The following SLC9A9 variants were observed in gnomAD, a reference collection of about 807,000 sequenced individuals.
SLC9A9 encodes the protein solute carrier family 9 member A9, also known as sodium/hydrogen exchanger 9.
Under a neutral mutation model 77.8 loss-of-function variants are expected in SLC9A9, and 62 were observed. That is an observed-to-expected ratio of 0.80 (90% CI 0.65 to 0.98). SLC9A9 has a LOEUF of 0.98. Among genes scored for constraint, SLC9A9 ranks in the 50% least tolerant of loss-of-function variants. SLC9A9 has a pLI of 0.00. For missense variants in SLC9A9, 775 were observed against 774.9 expected, an observed-to-expected ratio of 1.00 and a Z score of 0.00; for synonymous variants, 320 against 283.5, an observed-to-expected ratio of 1.13 and a Z score of -1.29.
chr3:143,281,694 A>T (rs933821951), intron 14 of SLC9A9, among the ~76,000 whole-genome samples: 57 of 152,172 alleles, frequency 3.7e-4, no homozygotes, highest in Non-Finnish European at 8.8e-5. Context: ...GGCCTCATGG[A>T]TCCTGTGTTT....
At chr3:143,518,699 G>T (rs1214745443) in intron 9 of SLC9A9, among the ~76,000 whole-genome samples, 1 of 152,248 alleles carries the variant, frequency 6.6e-6, no homozygotes, top group African/African-American at 2.4e-5. Context: ...CACCCACATG[G>T]CTTGGCTATA....
intron 1 of SLC9A9, among the ~76,000 whole-genome samples, chr3:143,833,379 C>A (rs1243268779): frequency 6.6e-6 from 1 of 152,152 alleles, no homozygotes; most frequent in Non-Finnish European, 1.5e-5. Flanking sequence ...GATTCATGAA[C>A]AAACAATTAT....
At chr3:143,626,235 A>G (rs1325743689) in intron 6 of SLC9A9, among the ~76,000 whole-genome samples, 1 of 152,228 alleles carries the variant, frequency 6.6e-6, no homozygotes, top group African/African-American at 2.4e-5. Flanking sequence ...AGAACTAGAA[A>G]TACAATTTGA....
chr3:143,336,955 A>T (rs2031944225), intron 14 of SLC9A9, among the ~76,000 whole-genome samples: 1 of 152,174 alleles, frequency 6.6e-6, no homozygotes, highest in Non-Finnish European at 1.5e-5. Flanking sequence ...AGCTTCAGTT[A>T]TCTGGAAAAT....
chr3:143,734,566 T>C (rs946087001), intron 4 of SLC9A9, among the ~76,000 whole-genome samples: 15 of 151,630 alleles, frequency 9.9e-5, no homozygotes, highest in Non-Finnish European at 1.9e-4. Context: ...AAACCCTGTC[T>C]CTACTAAAAT....
chr3:143,331,663 C>T (rs944138022), intron 14 of SLC9A9, among the ~76,000 whole-genome samples: 15 of 152,118 alleles, frequency 9.9e-5, no homozygotes, highest in African/African-American at 1.2e-4. Context: ...GGTTACTTGC[C>T]GGGCACTGGG....
chr3:143,323,697 T>C (rs1486250834), intron 14 of SLC9A9, among the ~76,000 whole-genome samples: 2 of 152,184 alleles, frequency 1.3e-5, no homozygotes, highest in Non-Finnish European at 2.9e-5. Context: ...AAATATATCG[T>C]ACTCAAGTGA....
chr3:143,266,053 A>G lies in SLC9A9; in HGVS notation c.*649T>C, dbSNP rs1390135932. ...GCTGCATTTAGGGCAGGGCACACCC[A>G]GCCATAGGCAACCCCTTTGAGCGAT... On this transcript the variant is annotated 3_prime_UTR_variant, in exon 16 of 16. Coordinates refer to ENST00000316549, the MANE Select transcript of SLC9A9 (RefSeq NM_173653.4). 5.7e-6 allele frequency: 4 copies of G among 702,488 alleles called. No homozygotes were observed. 43.5% of individuals were successfully genotyped at this position (702,488 alleles called of 1,614,324 possible). A position where few individuals can be genotyped will look rare whatever the true frequency, so the allele number is the denominator to read the frequency against.
In SLC9A9 at chr3:143,286,956, G is replaced by A. The variant is rs1057388423; in HGVS notation, c.1605-17976C>T. On this transcript the variant is annotated intron_variant, in intron 14 of 15. Transcript: ENST00000316549. Reference sequence around the variant, plus strand: ...TAGTTCTGGACCTCACGAGGTGTGCGTCAGCAAAACTCTCCATGTCTCAGA... The same window carrying A: ...TAGTTCTGGACCTCACGAGGTGTGCATCAGCAAAACTCTCCATGTCTCAGA... Among the ~76,000 whole-genome samples, 9 of 152,292 alleles carry A rather than the reference G, an allele frequency of 5.9e-5. No homozygotes were observed. The South Asian group carries it at 6.2e-4, about 11-fold the overall frequency.
chr3:143,323,769 T>C (rs1453581315), intron 14 of SLC9A9, among the ~76,000 whole-genome samples: 3 of 152,210 alleles, frequency 2.0e-5, no homozygotes, highest in Admixed American at 2.0e-4. Flanking sequence ...AAATTTTAAA[T>C]GTACTCTATA....
At chr3:143,299,350 A>G (rs1003817995) in intron 14 of SLC9A9, among the ~76,000 whole-genome samples, 6 of 152,208 alleles carry the variant, frequency 3.9e-5, no homozygotes, top group Non-Finnish European at 8.8e-5. Context: ...GCGCAGGGCC[A>G]TCTGGGGCTG....
chr3:143,378,791 C>T (rs923394827), intron 13 of SLC9A9, among the ~76,000 whole-genome samples: 2 of 152,196 alleles, frequency 1.3e-5, no homozygotes, highest in Non-Finnish European at 2.9e-5. Context: ...CAAATTAGCA[C>T]GTTTGCATGA....
At chr3:143,316,310 T>A (rs2031211734) in intron 14 of SLC9A9, among the ~76,000 whole-genome samples, 1 of 152,158 alleles carries the variant, frequency 6.6e-6, no homozygotes, top group African/African-American at 2.4e-5. Flanking sequence ...AAGACACAAG[T>A]GTAATTACGG....
At chr3:143,302,593 G>T (rs1466952754) in intron 14 of SLC9A9, among the ~76,000 whole-genome samples, 2 of 151,986 alleles carry the variant, frequency 1.3e-5, no homozygotes, top group East Asian at 3.9e-4. Flanking sequence ...AATAGCAGGA[G>T]GGAAGGAAAT....
chr3:143,593,176 G>A (rs1208103929), intron 6 of SLC9A9, among the ~76,000 whole-genome samples: 1 of 152,214 alleles, frequency 6.6e-6, no homozygotes, highest in African/African-American at 2.4e-5. Context: ...GGGCCAGAAG[G>A]AGGAGTTGGT....
intron 6 of SLC9A9, among the ~76,000 whole-genome samples, chr3:143,637,465 T>C (rs186744237): frequency 6.6e-6 from 1 of 152,310 alleles, no homozygotes; most frequent in East Asian, 1.9e-4. Context: ...AACAAAGGCT[T>C]TGATAAATAT....
At position 143,570,097 on chromosome 3, in the gene SLC9A9, G is replaced by T. The variant is rs148193319; in HGVS notation, c.1000+3991C>A. ...CTGGGATTATAGAAATGCATCATTG[G>T]TCCTAGCCAATTTTCTCCATAGATA... On this transcript the variant is annotated intron_variant, in intron 8 of 15. Transcript: ENST00000316549. Among the ~76,000 whole-genome samples the T allele has an allele frequency of 4.0e-3, 602 of 151,870 alleles. 3 individuals carry two copies. Among genetic ancestry groups the T allele is most frequent in the South Asian group, 0.011 (54 of 4,814 alleles).
At chr3:143,465,224 C>A (rs892117657) in intron 12 of SLC9A9, among the ~76,000 whole-genome samples, 1 of 152,154 alleles carries the variant, frequency 6.6e-6, no homozygotes, top group Admixed American at 6.5e-5. Flanking sequence ...AGGCACTTCA[C>A]CCCTGGACAC....
At chr3:143,710,624 C>CTG (rs1013625411) in intron 4 of SLC9A9, among the ~76,000 whole-genome samples, 9 of 152,214 alleles carry the variant, frequency 5.9e-5, no homozygotes, top group African/African-American at 2.2e-4. Flanking sequence ...AGGTTAATGG[C>CTG]TTGGTCACAC....
Sources: gnomAD v4.1 joint callset for allele counts (sites outside exome capture counted in the v4.1 genomes callset) on GRCh38, gnomAD v4.1.1 for gene constraint, MANE v1.5 for transcripts, NCBI Gene and HGNC (gene_info 2026-07-23, HGNC 2026-07-21) for gene names.